Variants in ZBTB20 observed in about 807,000 individuals in gnomAD.
ZBTB20 encodes the protein zinc finger and BTB domain containing 20.
In ZBTB20, 9 loss-of-function variants were observed where a neutral mutation model predicts 56.9. The ratio of observed to expected loss-of-function variants is 0.16; its 90% confidence interval spans 0.10 to 0.28. The LOEUF (loss-of-function observed/expected upper bound fraction) is 0.28, where lower values mean the gene tolerates loss of function less well. Ranked by LOEUF, ZBTB20 falls within the 10% of genes least tolerant of loss-of-function variation. The pLI is 1.00. For synonymous variants in ZBTB20, 417 were observed against 420.7 expected, an observed-to-expected ratio of 0.99 and a Z score of 0.11; for missense variants, 655 against 1,003.0, an observed-to-expected ratio of 0.65 and a Z score of 4.69.
At chr3:114,706,109 GA>G (rs1450419907) in intron 5 of ZBTB20, among the ~76,000 whole-genome samples, 5 of 152,042 alleles carry the variant, frequency 3.3e-5, no homozygotes, top group African/African-American at 1.2e-4. Context: ...GAGAGAGACA[GA>G]CTTGAGTTTG....
intron 5 of ZBTB20, among the ~76,000 whole-genome samples, chr3:114,697,539 CT>C (rs1048845634): frequency 2.4e-4 from 36 of 148,270 alleles, no homozygotes; most frequent in African/African-American, 7.7e-4. Context: ...CTGTTATTTC[CT>C]TTTTTTTTTC....
At chr3:114,991,431 T>C (rs982016978) in intron 2 of ZBTB20, among the ~76,000 whole-genome samples, 11 of 152,202 alleles carry the variant, frequency 7.2e-5, no homozygotes, top group Non-Finnish European at 1.6e-4. Context: ...AGTTTCTTAA[T>C]CCCGAGTTCT....
At chr3:114,738,399 G>T (rs543824566) in intron 5 of ZBTB20, among the ~76,000 whole-genome samples, 2 of 152,056 alleles carry the variant, frequency 1.3e-5, no homozygotes, top group African/African-American at 4.8e-5. Context: ...CGGTGGGCAT[G>T]TGCCAAATTG....
chr3:115,106,817 C>A lies in ZBTB20; in HGVS notation c.-702-35403G>T, dbSNP rs535461704. On this transcript the variant is annotated intron_variant, in intron 1 of 11. Transcript: ENST00000675478. The stretch of plus-strand genomic sequence containing the variant: ...TCGCCACCTTCTTCCCCTCTGCCCC[C>A]CAGAGCAGAGACCCTACTTATTAAG... 2.0e-5 allele frequency among the ~76,000 whole-genome samples: 3 copies of A among 152,236 alleles called. No homozygotes were observed. In the East Asian group the frequency reaches 5.8e-4, roughly 29 times the overall value.
chr3:115,100,546 A>G (rs557784136), intron 1 of ZBTB20: 15 of 152,458 alleles, frequency 9.8e-5, no homozygotes, highest in Admixed American at 7.9e-4. Context: ...CAACTCGTCT[A>G]ATGCAGCAAC....
At chr3:115,020,452 A>G (rs1214191567) in intron 2 of ZBTB20, among the ~76,000 whole-genome samples, 2 of 151,166 alleles carry the variant, frequency 1.3e-5, no homozygotes, top group African/African-American at 2.4e-5. Context: ...AATGGGAAAC[A>G]CTACAGTCAG....
intron 6 of ZBTB20, among the ~76,000 whole-genome samples, chr3:114,545,378 T>C (rs1423705287): frequency 6.6e-6 from 1 of 152,182 alleles, no homozygotes; most frequent in Non-Finnish European, 1.5e-5. Context: ...TGCAAAATGC[T>C]TTCACATGTA....
chr3:114,615,890 T>C (rs890822395), intron 6 of ZBTB20, among the ~76,000 whole-genome samples: 2 of 152,216 alleles, frequency 1.3e-5, no homozygotes, highest in African/African-American at 4.8e-5. Context: ...CAGTTTACGA[T>C]GTCAATAGAA....
chr3:114,435,277 G>T (rs989874567), intron 7 of ZBTB20, among the ~76,000 whole-genome samples: 1 of 152,042 alleles, frequency 6.6e-6, no homozygotes, highest in Admixed American at 6.6e-5. Flanking sequence ...AAGGGAGGAA[G>T]ATAACAGTGA....
chr3:114,982,205 C>G (rs1439048551), intron 2 of ZBTB20, among the ~76,000 whole-genome samples: 2 of 151,954 alleles, frequency 1.3e-5, no homozygotes, highest in Admixed American at 6.6e-5. Flanking sequence ...TATAAATGGG[C>G]AATATTATCA....
At chr3:114,423,974 C>T (rs1447631423) in intron 7 of ZBTB20, among the ~76,000 whole-genome samples, 1 of 152,230 alleles carries the variant, frequency 6.6e-6, no homozygotes, top group Non-Finnish European at 1.5e-5. Context: ...TGTTTGATCC[C>T]ATTATTGACC....
chr3:114,516,004 A>ATTTT (rs34260800), intron 6 of ZBTB20, among the ~76,000 whole-genome samples: 1 of 141,216 alleles, frequency 7.1e-6, no homozygotes, highest in African/African-American at 2.6e-5. Flanking sequence ...TAATTAAACA[A>ATTTT]TTTTTTTTTT....
chr3:114,963,734 T>C (rs1376053120), intron 3 of ZBTB20, among the ~76,000 whole-genome samples: 1 of 152,208 alleles, frequency 6.6e-6, no homozygotes, highest in Non-Finnish European at 1.5e-5. Context: ...TGAAAACTAC[T>C]TTGACAAGTA....
intron 3 of ZBTB20, among the ~76,000 whole-genome samples, chr3:114,944,898 A>G (rs1313439478): frequency 2.1e-5 from 3 of 145,580 alleles, no homozygotes; most frequent in Non-Finnish European, 4.4e-5. Flanking sequence ...AATAAGTTTT[A>G]GAGATATACT....
At chr3:114,895,616 A>C (rs2074843820) in intron 4 of ZBTB20, among the ~76,000 whole-genome samples, 1 of 152,178 alleles carries the variant, frequency 6.6e-6, no homozygotes. Flanking sequence ...GACCAAAGTT[A>C]ACTTTCTTAA....
intron 3 of ZBTB20, among the ~76,000 whole-genome samples, chr3:114,974,161 A>G (rs971018600): frequency 2.6e-5 from 4 of 152,082 alleles, no homozygotes; most frequent in African/African-American, 9.7e-5. Context: ...AAATATTCAG[A>G]AAGAGTATAA....
chr3:114,590,524 A>AACAT (rs1553760860), intron 6 of ZBTB20, among the ~76,000 whole-genome samples: 1 of 148,648 alleles, frequency 6.7e-6, no homozygotes, highest in Non-Finnish European at 1.5e-5. Context: ...AAATAAATAA[A>AACAT]AAATAAACAA....
chr3:114,617,083 T>A (rs1468752718), intron 6 of ZBTB20, among the ~76,000 whole-genome samples: 1 of 152,168 alleles, frequency 6.6e-6, no homozygotes, highest in Admixed American at 6.5e-5. Flanking sequence ...CTATAATCTA[T>A]CCTCTACCCT....
rs1204068834 is a variant in ZBTB20, at chr3:114,331,618, T to G, written c.*7387A>C. 1 of 152,202 alleles carries G rather than the reference T, an allele frequency of 6.6e-6. No homozygotes were observed. Among genetic ancestry groups the G allele is most frequent in the Non-Finnish European group, 1.5e-5 (1 of 68,038 alleles). 9.4% of individuals were successfully genotyped at this position (152,202 alleles called of 1,614,324 possible). A position where few individuals can be genotyped will look rare whatever the true frequency, so the allele number is the denominator to read the frequency against. On this transcript the variant is annotated 3_prime_UTR_variant, in exon 12 of 12. Transcript: ENST00000675478. ...CATGTCAATAAATCCAATAGAACTG[T>G]AGAGTTTGTTAAATGCACTCTACTC...
Sources: gnomAD v4.1 joint callset for allele counts (sites outside exome capture counted in the v4.1 genomes callset) on GRCh38, gnomAD v4.1.1 for gene constraint, MANE v1.5 for transcripts, NCBI Gene and HGNC (gene_info 2026-07-23, HGNC 2026-07-21) for gene names.